HOPX: variants seen among roughly 807,000 people sequenced by gnomAD.
HOPX encodes the protein HOP homeobox, also known as homeodomain-only protein.
Under a neutral mutation model 11.8 loss-of-function variants are expected in HOPX, and 5 were observed. The ratio of observed to expected loss-of-function variants is 0.43; its 90% CI spans 0.22 to 0.89. The LOEUF is 0.89. HOPX is among the 40% of genes least tolerant of loss of function. The pLI, the probability that HOPX is intolerant of heterozygous loss-of-function variation, is 0.28. For synonymous variants in HOPX, 49 were observed against 49.7 expected, an observed-to-expected ratio of 0.99 and a Z score of 0.06; for missense variants, 119 against 120.0, an observed-to-expected ratio of 0.99 and a Z score of 0.04.
chr4:56,664,071 A>G (rs977413517), intron 1 of HOPX: 1 of 152,202 alleles, frequency 6.6e-6, no homozygotes, highest in East Asian at 1.9e-4. Flanking sequence ...GCTTTATGGT[A>G]AAGTTCTTAT....
At chr4:56,660,667 A>G (rs1050425351) in intron 1 of HOPX, among the ~76,000 whole-genome samples, 2 of 152,220 alleles carry the variant, frequency 1.3e-5, no homozygotes, top group African/African-American at 2.4e-5. Context: ...ATTTTTGGAA[A>G]AGTATGAGAG....
chr4:56,649,187 C>T, intron 3 of HOPX: 1 of 164,366 alleles, frequency 6.1e-6, no homozygotes, highest in Non-Finnish European at 1.3e-5. Flanking sequence ...CTTGTGTATT[C>T]ACTTGTTTTA....
upstream of HOPX, chr4:56,681,536 C>T: frequency 1.0e-6 from 1 of 1,000,058 alleles, no homozygotes; most frequent in Non-Finnish European, 1.2e-6. Context: ...ATCTTCTCGT[C>T]CCTGACCTCT....
chr4:56,653,106 T>C (rs933817519), intron 3 of HOPX, among the ~76,000 whole-genome samples: 1 of 152,228 alleles, frequency 6.6e-6, no homozygotes, highest in Non-Finnish European at 1.5e-5. Flanking sequence ...GGCATGATCA[T>C]AGCTCACTGC....
In HOPX at chr4:56,670,861, A is replaced by G. The variant is rs1456728992; in HGVS notation, c.-84+10394T>C. 2.0e-5 allele frequency among the ~76,000 whole-genome samples: 3 copies of G among 152,082 alleles called. No individual in the cohort carries two copies. The East Asian group carries it at 5.8e-4, about 29-fold the overall frequency. ...AAAATACAAAAATTAGCCAGGCATG[A>G]TGGCAGGTGCCTGCAATCTCAGCTA... is the stretch of plus-strand genomic sequence containing the variant. On this transcript the variant is annotated intron_variant, in intron 1 of 3. Transcript: ENST00000420433.
chr4:56,650,727 C>T, intron 3 of HOPX: 2 of 1,551,700 alleles, frequency 1.3e-6, no homozygotes, highest in Non-Finnish European at 8.7e-7. Flanking sequence ...GAAAGCCAAG[C>T]ACGGCAGACT....
At chr4:56,666,038 G>A (rs1409078063) in intron 1 of HOPX, among the ~76,000 whole-genome samples, 1 of 152,152 alleles carries the variant, frequency 6.6e-6, no homozygotes, top group South Asian at 2.1e-4. Context: ...CTCCCTGTGG[G>A]TTGGGGCCAG....
chr4:56,659,246 A>C (rs553389533), intron 1 of HOPX: 8 of 152,362 alleles, frequency 5.3e-5, no homozygotes, highest in African/African-American at 1.9e-4. Flanking sequence ...CCAAAAGGGA[A>C]ACAAGCCAGT....
intron 3 of HOPX, among the ~76,000 whole-genome samples, chr4:56,652,378 T>C (rs1479355840): frequency 2.0e-5 from 3 of 152,176 alleles, no homozygotes; most frequent in Admixed American, 2.0e-4. Flanking sequence ...TTACTTGTTC[T>C]AGGGAAGTTA....
rs557584639 is a variant in HOPX, at chr4:56,651,443, G to A, written c.199-2646C>T. 5.7e-4 allele frequency among the ~76,000 whole-genome samples: 87 copies of A among 152,236 alleles called. 1 individual carries two copies. The highest frequency in any genetic ancestry group is 1.9e-3 in the African/African-American group (79 of 41,534). ...TAGAGCTGTATCTTATCAATCTCAT[G>A]CACATCAGTGCTAATTTTCCACCTG... On this transcript the variant is annotated intron_variant, in intron 3 of 3. Transcript: ENST00000420433.
chr4:56,656,312 C>T, intron 2 of HOPX: 2 of 1,102,866 alleles, frequency 1.8e-6, no homozygotes, highest in Non-Finnish European at 2.2e-6. Context: ...GCGACGGGGG[C>T]GAGATAGATG....
In HOPX at chr4:56,655,840, C is replaced by A; in HGVS notation, c.198+17G>T. 1.2e-6 allele frequency: 2 copies of A among 1,607,676 alleles called. No homozygotes were observed. The highest frequency in any genetic ancestry group is 1.3e-5 in the African/African-American group (1 of 74,620). ...CAGGCAGGGGTCGGGGCGCGCTGGG[C>A]GCGTGTGGGGACGCACCTGGGTCTC... On this transcript the variant is annotated intron_variant, in intron 3 of 3. Coordinates refer to ENST00000420433, the MANE Select transcript of HOPX (RefSeq NM_032495.6).
chr4:56,654,037 G>A (rs1717448226), intron 3 of HOPX, among the ~76,000 whole-genome samples: 1 of 152,210 alleles, frequency 6.6e-6, no homozygotes, highest in African/African-American at 2.4e-5. Context: ...TGCTCATCTA[G>A]TGATTTCTAT....
intron 2 of HOPX, among the ~76,000 whole-genome samples, chr4:56,656,726 T>A (rs548920795): frequency 2.0e-5 from 3 of 152,318 alleles, no homozygotes; most frequent in Non-Finnish European, 4.4e-5. Flanking sequence ...GGGAGAAACT[T>A]CCACCTGTGG....
chr4:56,669,883 T>C (rs1281005653), intron 1 of HOPX, among the ~76,000 whole-genome samples: 1 of 152,170 alleles, frequency 6.6e-6, no homozygotes, highest in African/African-American at 2.4e-5. Context: ...GTTAGGATGC[T>C]GGAGGAAAGA....
At chr4:56,656,285 G>T in intron 2 of HOPX, 1 of 1,152,732 alleles carries the variant, frequency 8.7e-7, no homozygotes, top group Non-Finnish European at 1.1e-6. Flanking sequence ...CCCCTTGCAG[G>T]AACTGTATCC....
rs1716876690 is a variant in HOPX at position 56,648,664 on chromosome 4, A to C, written c.*56T>G. ...AAACCACAACAGCTTGGTTAAGCGG[A>C]GGAGAGAAACAGAGATGGCCTTCAT... On this transcript the variant is annotated 3_prime_UTR_variant, in exon 4 of 4. Coordinates refer to ENST00000420433, the MANE Select transcript of HOPX (RefSeq NM_032495.6). 1 of 1,303,358 alleles carries C rather than the reference A, an allele frequency of 7.7e-7. No individual in the cohort carries two copies. The highest frequency in any genetic ancestry group is 1.1e-6 in the Non-Finnish European group (1 of 911,712). 80.7% of individuals were successfully genotyped at this position (1,303,358 alleles called of 1,614,324 possible).
chr4:56,672,845 T>C (rs1240498022), intron 1 of HOPX: 1 of 152,074 alleles, frequency 6.6e-6, no homozygotes, highest in Admixed American at 6.5e-5. Flanking sequence ...GAAAATTATA[T>C]TGAGAAGGGG....
intron 1 of HOPX, chr4:56,664,855 T>C (rs530398988): frequency 6.6e-6 from 1 of 152,274 alleles, no homozygotes; most frequent in East Asian, 1.9e-4. Flanking sequence ...AGAAGATGAG[T>C]AGTGAGGAAG....
Sources: gnomAD v4.1 joint callset for allele counts (sites outside exome capture counted in the v4.1 genomes callset) on GRCh38, gnomAD v4.1.1 for gene constraint, MANE v1.5 for transcripts, NCBI Gene and HGNC (gene_info 2026-07-23, HGNC 2026-07-21) for gene names.